MYH8: variants seen among roughly 807,000 people sequenced by gnomAD.
MYH8 encodes the protein myosin heavy chain 8.
A neutral mutation model predicts 233.2 loss-of-function variants in MYH8; 168 were observed. The observed-to-expected ratio is 0.72, with a 90% CI of 0.64 to 0.82. The LOEUF is 0.82. MYH8 is among the 40% of genes least tolerant of loss of function. The pLI is 0.00. For synonymous variants in MYH8, 785 were observed against 850.6 expected, an observed-to-expected ratio of 0.92 and a Z score of 1.34; for missense variants, 1,995 against 2,327.8, an observed-to-expected ratio of 0.86 and a Z score of 2.94.
chr17:10,398,499 T>G lies in MYH8; in HGVS notation c.4123A>C (p.Arg1375=). Residue 1375 remains arginine (R), a synonymous_variant, in exon 30 of 40, where the codon AGA becomes CGA. Transcript: ENST00000403437. The part of the protein sequence containing the change: ...SKANSEVAQW[R]TKYETDAIQR... ...ATGGCATCCGTCTCGTATTTGGTTC[T>G]CCACTGGGCAACCTCACTGTTGGCC... 6.2e-7 allele frequency: 1 copy of G among 1,614,084 alleles called. No homozygotes were observed. Among genetic ancestry groups the G allele is most frequent in the Non-Finnish European group, 8.5e-7 (1 of 1,179,948 alleles).
intron 14 of MYH8, 122 bp from the exon 15 acceptor site, chr17:10,411,069 C>T (rs1434376211): frequency 2.6e-5 from 40 of 1,525,434 alleles, no homozygotes; most frequent in Non-Finnish European, 3.1e-5. Flanking sequence ...TTAAAACTAA[C>T]GTTGCTCCCT....
In MYH8 at chr17:10,415,288, T is replaced by A; in HGVS notation, c.741+4A>T. ...AAGTTAGGGGTTGAGACCAAGAGACTCACAAAGCGAGAGGAGTTGTCATTC... is the reference window on the plus strand; with the variant it reads ...AAGTTAGGGGTTGAGACCAAGAGACACACAAAGCGAGAGGAGTTGTCATTC... On this transcript the variant is annotated splice_donor_region_variant and intron_variant, in intron 8 of 39. Coordinates refer to ENST00000403437, the MANE Select transcript of MYH8 (RefSeq NM_002472.3). This position sits in a 1 kb window ranked among gnomAD's most constrained non-coding sequence, Gnocchi z 4.1. The A allele has an allele frequency of 6.2e-7, 1 of 1,613,050 alleles. No individual in the cohort carries two copies. The highest frequency in any genetic ancestry group is 8.5e-7 in the Non-Finnish European group (1 of 1,178,986).
chr17:10,399,504 T>A, intron 28 of MYH8, 39 bp downstream of exon 28: 1 of 1,612,250 alleles, frequency 6.2e-7, no homozygotes, highest in Non-Finnish European at 8.5e-7. Context: ...TCCATTTTAT[T>A]TAGTCCATGG....
In MYH8 at chr17:10,401,716, C is replaced by A. The variant is rs1448637732; in HGVS notation, c.2758G>T (p.Ala920Ser). 2 of 1,613,992 alleles carry A rather than the reference C, an allele frequency of 1.2e-6. No individual in the cohort carries two copies. The highest frequency in any genetic ancestry group is 1.7e-6 in the Non-Finnish European group (2 of 1,180,044). The change falls in exon 23 of 40, where the codon GCC becomes TCC. Residue 920 changes from alanine to serine, a missense_variant. By Grantham distance (99) the Ala-to-Ser change is moderately conservative. This residue lies in a region of MYH8 where 1,498 missense variants were observed against 1,680.9 expected (regional missense o/e 0.89). Transcript: ENST00000403437. ...CTTTCAGTCACCTCTTTGATTTTGG[C>A]CTCAAGTTGGATTTTGTTTTTAATC... Reference protein sequence around the residue: ...QLIKNKIQLEAKIKEVTERAE... With the variant: ...QLIKNKIQLESKIKEVTERAE...
Position 10,392,835 on chromosome 17 carries a change from G to A in MYH8, c.5459C>T (p.Ala1820Val), listed in dbSNP as rs148625172. ...GGKKQIQKLE[A>V]RVRELEGEVE... is the part of the protein sequence containing the mutation. ...TAGAGAGATTGAGACACCCACCCTG[G>A]CCTCCAGTTTCTGGATCTGCTTCTT... The change falls in exon 37 of 40, where the codon GCC becomes GTC. Residue 1820 changes from alanine to valine, a missense_variant. Physicochemically the swap from Ala to Val is moderately conservative, Grantham distance 64. Around this residue, in one of 3 missense-constraint regions of MYH8, gnomAD observed 1,498 missense variants for 1,680.9 expected, o/e 0.89. Coordinates refer to ENST00000403437, the MANE Select transcript of MYH8 (RefSeq NM_002472.3). 230 of 1,614,068 alleles carry A rather than the reference G, an allele frequency of 1.4e-4. 2 individuals are homozygous for A. In the African/African-American group the frequency reaches 2.8e-3, roughly 20 times the overall value.
In MYH8 at chr17:10,417,639, G is replaced by A. The variant is rs534518984; in HGVS notation, c.511+1006C>T. Among the ~76,000 whole-genome samples the A allele has an allele frequency of 2.6e-5, 4 of 152,272 alleles. No individual in the cohort carries two copies. In the South Asian group the frequency reaches 6.2e-4, roughly 24 times the overall value. ...GGGGGCTTGCTGAGTGGGAGGACAGGGGTGGTGTACATAGCTGTGTAAATG... is the reference window on the plus strand; with the variant it reads ...GGGGGCTTGCTGAGTGGGAGGACAGAGGTGGTGTACATAGCTGTGTAAATG... On this transcript the variant is annotated intron_variant, in intron 5 of 39. Transcript: ENST00000403437. This position sits in a 1 kb window ranked among gnomAD's most constrained non-coding sequence, Gnocchi z 4.1.
Position 10,418,661 on chromosome 17 carries a change from A to G in MYH8, c.495T>C (p.Tyr165=). 6.2e-7 allele frequency: 1 copy of G among 1,613,958 alleles called. No individual in the cohort carries two copies. Among genetic ancestry groups the G allele is most frequent in the Non-Finnish European group, 8.5e-7 (1 of 1,179,862 alleles). The change falls in exon 5 of 40, where the codon TAT becomes TAC. Residue 165 remains tyrosine, a synonymous_variant. Transcript: ENST00000403437. ...PHIFSISDNA[Y]QFMLTDRENQ... ...CTCACTCACCAGTCAACATGAACTG[A>G]TAGGCATTGTCAGAGATGGAGAAGA...
chr17:10,401,270 C>T lies in MYH8; in HGVS notation c.3108+5G>A, dbSNP rs765409188. The T allele has an allele frequency of 5.0e-6, 8 of 1,614,014 alleles. No individual in the cohort carries two copies. The highest frequency in any genetic ancestry group is 4.4e-5 in the South Asian group (4 of 91,086). On this transcript the variant is annotated splice_donor_5th_base_variant and intron_variant, in intron 24 of 39. Transcript: ENST00000403437. Reference sequence around the variant, plus strand: ...CTTTCAAAGGGATATTTAAAATGTGCTTACATCATCCACTTGCTGTTCTAG... The same window carrying T: ...CTTTCAAAGGGATATTTAAAATGTGTTTACATCATCCACTTGCTGTTCTAG...
chr17:10,391,796 C>T (rs1391808990), intron 39 of MYH8, 86 bp downstream of exon 39: 1 of 1,020,310 alleles, frequency 9.8e-7, no homozygotes, highest in East Asian at 2.4e-5. Flanking sequence ...TTCACTTTGT[C>T]TTCTTCCTTA....
chr17:10,393,589 CTA>C (rs2072049515), intron 35 of MYH8, among the ~76,000 whole-genome samples: 1 of 152,186 alleles, frequency 6.6e-6, no homozygotes, highest in African/African-American at 2.4e-5. Flanking sequence ...TTGAAAGAAT[CTA>C]TTCTCTCTGA....
chr17:10,404,654 A>G (rs2072175073), intron 21 of MYH8, 69 bp from the exon 22 acceptor site: 27 of 1,589,530 alleles, frequency 1.7e-5, no homozygotes, highest in Non-Finnish European at 2.3e-5. Context: ...CTTATCACAC[A>G]CAAATTTCCC....
intron 39 of MYH8, 105 bp from the exon 40 acceptor site, chr17:10,390,708 T>C (rs2072013833): frequency 1.6e-6 from 2 of 1,266,472 alleles, no homozygotes; most frequent in Non-Finnish European, 2.3e-6. Flanking sequence ...TCTTATGGTC[T>C]ATTTAGCATA....
Position 10,406,903 on chromosome 17 carries a change from G to T in MYH8, c.2042C>A (p.Thr681Asn). The T allele has an allele frequency of 6.2e-7, 1 of 1,613,890 alleles. No individual in the cohort carries two copies. The highest frequency in any genetic ancestry group is 2.2e-5 in the East Asian group (1 of 44,880). The change falls in exon 18 of 40, where the codon ACC (threonine) becomes AAC (asparagine). Residue 681 changes from threonine (T) to asparagine (N), a missense_variant. By Grantham distance (65) the Thr-to-Asn change is moderately conservative (BLOSUM62 0). This residue lies in a region of MYH8 where 1,498 missense variants were observed against 1,680.9 expected (regional missense o/e 0.89). Coordinates refer to ENST00000403437, the MANE Select transcript of MYH8 (RefSeq NM_002472.3). ...TCTCTGTGTCTTACCAGGAGTTTTGGTTTCATTGGGAATGATACACCGTAC... is the reference window on the plus strand; with the variant it reads ...TCTCTGTGTCTTACCAGGAGTTTTGTTTTCATTGGGAATGATACACCGTAC... ...HFVRCIIPNE[T>N]KTPGAMEHEL...
chr17:10,412,239 G>C (rs72816707), intron 14 of MYH8, 131 bp downstream of exon 14: 2 of 1,562,984 alleles, frequency 1.3e-6, no homozygotes, highest in Non-Finnish European at 1.8e-6. Flanking sequence ...CTATTTTGGA[G>C]ATAACCTTTG....
chr17:10,413,467 C>T lies in MYH8; in HGVS notation c.1147+435G>A, dbSNP rs1343261096. Reference sequence around the variant, plus strand: ...CCTATATTGTCTATGGATTTATATACAGACAATACACACTTGCTTACAGAT... The same window carrying T: ...CCTATATTGTCTATGGATTTATATATAGACAATACACACTTGCTTACAGAT... On this transcript the variant is annotated intron_variant, in intron 12 of 39. Transcript: ENST00000403437. Among the ~76,000 whole-genome samples the T allele has an allele frequency of 2.0e-5, 3 of 152,270 alleles. No homozygotes were observed. The East Asian group carries it at 5.8e-4, about 29-fold the overall frequency.
At chr17:10,411,063 A>C in intron 14 of MYH8, 116 bp from the exon 15 acceptor site, 1 of 1,537,830 alleles carries the variant, frequency 6.5e-7, no homozygotes, top group Non-Finnish European at 8.8e-7. Context: ...ATACAGTTAA[A>C]ACTAACGTTG....
intron 22 of MYH8, among the ~76,000 whole-genome samples, chr17:10,403,595 T>C (rs2072161354): frequency 6.6e-6 from 1 of 152,142 alleles, no homozygotes; most frequent in Non-Finnish European, 1.5e-5. Flanking sequence ...CCTGTGCTTT[T>C]GGAAAAATGT....
At chr17:10,418,863 A>G (rs940780388) in intron 4 of MYH8, 24 bp downstream of exon 4, 2 of 1,613,902 alleles carry the variant, frequency 1.2e-6, no homozygotes, top group Non-Finnish European at 1.7e-6. Context: ...GACATGAAAT[A>G]AAAAGGTGTT....
Position 10,398,841 on chromosome 17 carries a change from T to C in MYH8, c.3908A>G (p.Gln1303Arg). The change falls in exon 29 of 40, where the codon CAG becomes CGG. Residue 1303 changes from glutamine to arginine, a missense_variant. Coordinates refer to ENST00000403437, the MANE Select transcript of MYH8 (RefSeq NM_002472.3). ...AGATGCTTGCTTGCTCCTTGAAAGC[T>C]GAGAGACTAAAGCATCTTTCTCATC... is the stretch of plus-strand genomic sequence containing the variant. ...QLDEKDALVS[Q>R]LSRSKQASTQ... 1 of 1,613,844 alleles carries C rather than the reference T, an allele frequency of 6.2e-7. No individual in the cohort carries two copies. Among genetic ancestry groups the C allele is most frequent in the Non-Finnish European group, 8.5e-7 (1 of 1,180,002 alleles).
Sources: gnomAD v4.1 joint callset for allele counts (sites outside exome capture counted in the v4.1 genomes callset) on GRCh38, gnomAD v4.1.1 for gene constraint, gnomAD v4.1.1 regional missense constraint, Gnocchi (gnomAD v3.1) non-coding constraint, MANE v1.5 for transcripts, NCBI Gene and HGNC (gene_info 2026-07-23, HGNC 2026-07-21) for gene names.